EGFR: variants seen among roughly 807,000 people sequenced by gnomAD.
EGFR encodes the protein avian erythroblastic leukemia viral (v-erb-b) oncogene homolog.
In EGFR, 58 loss-of-function variants were observed where a neutral mutation model predicts 143.0. The ratio of observed to expected loss-of-function variants is 0.41; its 90% confidence interval spans 0.33 to 0.50. The LOEUF is 0.50. EGFR is among the 20% of genes least tolerant of loss of function. The pLI is 0.39. For synonymous variants in EGFR, 613 were observed against 594.4 expected (o/e 1.03, Z -0.45); for missense variants, 1,307 against 1,579.0 (o/e 0.83, Z 2.92).
chr7:55,120,720 C>T (rs554451364), intron 1 of EGFR, among the ~76,000 whole-genome samples: 61 of 152,186 alleles, frequency 4.0e-4, no homozygotes, highest in Non-Finnish European at 8.1e-4. Flanking sequence ...CTCCTGGGAA[C>T]GTTGTTGACA....
At chr7:55,110,171 T>C (rs1182493336) in intron 1 of EGFR, among the ~76,000 whole-genome samples, 1 of 152,180 alleles carries the variant, frequency 6.6e-6, no homozygotes, top group Non-Finnish European at 1.5e-5. Flanking sequence ...TAAAAGAATA[T>C]GTAACATATC....
chr7:55,191,377 C>T (rs1562798141), intron 20 of EGFR, among the ~76,000 whole-genome samples: 1 of 151,848 alleles, frequency 6.6e-6, no homozygotes, highest in Non-Finnish European at 1.5e-5. Context: ...CCCCACTTTG[C>T]AGATAAACCA....
chr7:55,127,552 T>C (rs541168740), intron 1 of EGFR, among the ~76,000 whole-genome samples: 83 of 152,058 alleles, frequency 5.5e-4, no homozygotes, highest in Non-Finnish European at 7.8e-4. Context: ...AATGCTTGTA[T>C]AGAAACTTTC....
At chr7:55,054,195 G>A (rs773454192) in intron 1 of EGFR, among the ~76,000 whole-genome samples, 11 of 152,170 alleles carry the variant, frequency 7.2e-5, no homozygotes, top group Non-Finnish European at 1.3e-4. Flanking sequence ...CTTATACCTG[G>A]CACTGCACGC....
rs1379502882 is a variant in EGFR at position 55,019,233 on chromosome 7, C to T, written c.-45C>T. 3.5e-6 allele frequency: 5 copies of T among 1,415,264 alleles called. No homozygotes were observed. The highest frequency in any genetic ancestry group is 2.2e-5 in the Admixed American group (1 of 44,804). 87.7% of individuals were successfully genotyped at this position (1,415,264 alleles called of 1,614,324 possible). On this transcript the variant is annotated 5_prime_UTR_variant, in exon 1 of 28. Coordinates refer to ENST00000275493, the MANE Select transcript of EGFR (RefSeq NM_005228.5). ...CCGCGCACGGCCCCCTGACTCCGTC[C>T]AGTATTGATCGGGAGAGCCGGAGCG... is the stretch of plus-strand genomic sequence containing the variant.
intron 16 of EGFR, among the ~76,000 whole-genome samples, 164 bp downstream of exon 16, chr7:55,171,377 C>A (rs774818454): frequency 2.0e-5 from 3 of 152,228 alleles, no homozygotes; most frequent in Non-Finnish European, 1.5e-5. Flanking sequence ...GACTGCCCAG[C>A]TGGTTCCACG....
Position 55,054,402 on chromosome 7 carries a change from G to A in EGFR, c.88+35037G>A, listed in dbSNP as rs138438521. Among the ~76,000 whole-genome samples the A allele has an allele frequency of 5.3e-5, 8 of 152,362 alleles. No homozygotes were observed. In the East Asian group the frequency reaches 7.7e-4, roughly 15 times the overall value. ...GCTGGAAAACCACTTTTAACACAGC[G>A]GGAAAAGCTATTTGTTCAGACAGGA... On this transcript the variant is annotated intron_variant, in intron 1 of 27. Transcript: ENST00000275493.
chr7:55,067,933 CGT>C (rs1351529510), intron 1 of EGFR, among the ~76,000 whole-genome samples: 4 of 149,858 alleles, frequency 2.7e-5, no homozygotes. Context: ...TGTCTGCGCA[CGT>C]GTGTATGCAT....
intron 22 of EGFR, among the ~76,000 whole-genome samples, chr7:55,198,038 CCTT>C (rs1218127978): frequency 6.6e-6 from 1 of 152,106 alleles, no homozygotes; most frequent in African/African-American, 2.4e-5. Flanking sequence ...AAGAGTCCCT[CCTT>C]CTCAATTTTT....
intron 1 of EGFR, among the ~76,000 whole-genome samples, chr7:55,125,093 C>T (rs1171227122): frequency 6.6e-6 from 1 of 152,186 alleles, no homozygotes; most frequent in Non-Finnish European, 1.5e-5. Flanking sequence ...CTGGGGATGT[C>T]CCCGCTGCTG....
At chr7:55,048,904 A>G (rs1023171901) in intron 1 of EGFR, among the ~76,000 whole-genome samples, 2 of 152,186 alleles carry the variant, frequency 1.3e-5, no homozygotes, top group African/African-American at 4.8e-5. Flanking sequence ...TGATGGCTCT[A>G]AAAGGGTAAC....
intron 1 of EGFR, among the ~76,000 whole-genome samples, chr7:55,031,814 G>A (rs1178968145): frequency 6.6e-6 from 1 of 152,154 alleles, no homozygotes; most frequent in Non-Finnish European, 1.5e-5. Context: ...TATTCTTCGG[G>A]GTTTTTTGTT....
chr7:55,155,270 C>G (rs1367493269), intron 7 of EGFR, among the ~76,000 whole-genome samples: 1 of 152,120 alleles, frequency 6.6e-6, no homozygotes, highest in Non-Finnish European at 1.5e-5. Flanking sequence ...GGTGAAACCT[C>G]GTCTCTACTA....
Position 55,121,534 on chromosome 7 carries a change from G to A in EGFR, c.89-20752G>A, listed in dbSNP as rs946152238. On this transcript the variant is annotated intron_variant, in intron 1 of 27. Transcript: ENST00000275493. ...GTCATTTGTCCTAGTAGCCAGCAGC[G>A]TGACTGTGCTGTCTTCTGCTCTGTC... Among the ~76,000 whole-genome samples the A allele has an allele frequency of 3.9e-5, 6 of 152,198 alleles. No individual in the cohort carries two copies. The South Asian group carries it at 1.0e-3, about 26-fold the overall frequency.
In EGFR at chr7:55,155,928, G is replaced by A. The variant is rs139429793; in HGVS notation, c.988G>A (p.Glu330Lys). 9.3e-6 allele frequency: 15 copies of A among 1,613,634 alleles called. No homozygotes were observed. Among genetic ancestry groups the A allele is most frequent in the Non-Finnish European group, 1.2e-5 (14 of 1,179,882 alleles). Reference protein sequence around the residue: ...EDGVRKCKKCEGPCRKVCNGI... With the variant: ...EDGVRKCKKCKGPCRKVCNGI... Reference sequence around the variant, plus strand: ...CGGCGTCCGCAAGTGTAAGAAGTGCGAAGGGCCTTGCCGCAAAGGTAGGAA... The same window carrying A: ...CGGCGTCCGCAAGTGTAAGAAGTGCAAAGGGCCTTGCCGCAAAGGTAGGAA... The change falls in exon 8 of 28, where the codon GAA becomes AAA. Residue 330 changes from glutamate (E) to lysine (K), a missense_variant. This residue lies in a region of EGFR where 311 missense variants were observed against 412.3 expected (regional missense o/e 0.75). Coordinates refer to ENST00000275493, the MANE Select transcript of EGFR (RefSeq NM_005228.5).
chr7:55,174,197 A>G lies in EGFR; in HGVS notation c.2184+154A>G, dbSNP rs17172452. On this transcript the variant is annotated intron_variant, in intron 18 of 27. Coordinates refer to ENST00000275493, the MANE Select transcript of EGFR (RefSeq NM_005228.5). The stretch of plus-strand genomic sequence containing the variant: ...GAAACTCCAGTGTTTTTCCCAAGTT[A>G]TTGAGAGGAAATCTTTTATAACCAC... Among the ~76,000 whole-genome samples, 1,347 of 152,232 alleles carry G rather than the reference A, an allele frequency of 8.8e-3. 22 individuals are homozygous for G. The highest frequency in any genetic ancestry group is 0.029 in the African/African-American group (1,220 of 41,534).
intron 18 of EGFR, among the ~76,000 whole-genome samples, 177 bp from the exon 19 acceptor site, chr7:55,174,545 T>A (rs1786504186): frequency 6.6e-6 from 1 of 152,238 alleles, no homozygotes; most frequent in Admixed American, 6.5e-5. Flanking sequence ...GCCCAACAGC[T>A]GCAGGGCTGC....
rs1785715970 is a variant in EGFR at position 55,161,733 on chromosome 7, A to G, written c.1631+102A>G. ...TTCTGTTTGATTTTCTCTTCCTTTT[A>G]TTCTTTGCCCTTGGCTTTTGGAGGT... On this transcript the variant is annotated intron_variant, in intron 13 of 27. Transcript: ENST00000275493. 6 of 1,590,910 alleles carry G rather than the reference A, an allele frequency of 3.8e-6. No individual in the cohort carries two copies. The African/African-American group carries it at 4.0e-5, about 11-fold the overall frequency.
At chr7:55,195,224 C>G (rs917456434) in intron 22 of EGFR, among the ~76,000 whole-genome samples, 17 of 152,194 alleles carry the variant, frequency 1.1e-4, no homozygotes, top group Non-Finnish European at 2.1e-4. Context: ...GGGGATGACA[C>G]AAGAATCTAT....
Sources: gnomAD v4.1 joint callset for allele counts (sites outside exome capture counted in the v4.1 genomes callset) on GRCh38, gnomAD v4.1.1 for gene constraint, gnomAD v4.1.1 regional missense constraint, MANE v1.5 for transcripts, NCBI Gene and HGNC (gene_info 2026-07-23, HGNC 2026-07-21) for gene names.